RERE: variants seen among roughly 807,000 people sequenced by gnomAD.
RERE encodes arginine-glutamic acid dipeptide repeats protein.
RERE carries 40 observed loss-of-function variants against 146.1 expected under a neutral mutation model. The observed-to-expected ratio is 0.27, with a 90% CI of 0.21 to 0.36. The LOEUF is 0.36. Among genes scored for constraint, RERE ranks in the 10% least tolerant of loss-of-function variants. RERE has a pLI of 1.00. For synonymous variants in RERE, 1,003 were observed against 866.0 expected (o/e 1.16, Z -2.78); for missense variants, 1,933 against 2,138.7 (o/e 0.90, Z 1.90).
At chr1:8,672,564 C>T (rs1043335672) in intron 1 of RERE, among the ~76,000 whole-genome samples, 9 of 152,202 alleles carry the variant, frequency 5.9e-5, no homozygotes, top group Non-Finnish European at 1.0e-4. Context: ...CAGTATTATT[C>T]CATCACTTTC....
chr1:8,358,112 C>A, intron 20 of RERE, 84 bp downstream of exon 20: 1 of 1,515,082 alleles, frequency 6.6e-7, no homozygotes, highest in Admixed American at 2.1e-5. Flanking sequence ...AGAACAGTTT[C>A]CGCTCCTGGA....
chr1:8,361,196 T>G lies in RERE; in HGVS notation c.2311A>C (p.Thr771Pro). The change falls in exon 18 of 23, where the codon ACT becomes CCT. Residue 771 changes from threonine to proline, a missense_variant. Physicochemically the swap from Thr to Pro is conservative, Grantham distance 38. Around this residue, in one of 11 missense-constraint regions of RERE, gnomAD observed 1,255 missense variants for 1,153.8 expected, o/e 1.09. Coordinates refer to ENST00000400908, the MANE Select transcript of RERE (RefSeq NM_001042681.2). ...LPTPGPTPSA[T>P]AVPPQGSPTA... ...GGGGAGCCCTGTGGGGGAACTGCAG[T>G]GGCAGAGGGCGTGGGCCCTGGCGTG... 4 of 1,483,688 alleles carry G rather than the reference T, an allele frequency of 2.7e-6. No individual in the cohort carries two copies. The highest frequency in any genetic ancestry group is 3.6e-6 in the Non-Finnish European group (4 of 1,123,642). The allele number at this position is 1,483,688 out of a possible 1,614,324, so 91.9% of individuals were successfully genotyped here. A position where few individuals can be genotyped will look rare whatever the true frequency, so the allele number is the denominator to read the frequency against.
In RERE at chr1:8,358,731, G is replaced by C. The variant is rs774713625; in HGVS notation, c.3804C>G (p.Thr1268=). 1 of 1,607,450 alleles carries C rather than the reference G, an allele frequency of 6.2e-7. No homozygotes were observed. Among genetic ancestry groups the C allele is most frequent in the East Asian group, 2.2e-5 (1 of 44,788 alleles). The change falls in exon 20 of 23, where the codon ACC becomes ACG. Residue 1268 remains threonine (T), a synonymous_variant. Transcript: ENST00000400908. ...EYARPHVMSP[T]NRNHPFYMPL... is the part of the protein sequence containing the mutation. ...GCATGTAGAAGGGGTGGTTGCGGTTGGTGGGCGACATGACGTGGGGCCGGG... is the reference window on the plus strand; with the variant it reads ...GCATGTAGAAGGGGTGGTTGCGGTTCGTGGGCGACATGACGTGGGGCCGGG...
chr1:8,656,181 C>A lies in RERE; in HGVS notation c.117G>T (p.Arg39=). 1 of 1,613,806 alleles carries A rather than the reference C, an allele frequency of 6.2e-7. No homozygotes were observed. The highest frequency in any genetic ancestry group is 8.5e-7 in the Non-Finnish European group (1 of 1,179,706). The stretch of plus-strand genomic sequence containing the variant: ...TGGCTCCTCCTTCCAAGGTACAGCT[C>A]CGGCGTGGCCTTGAATTCTCACTCT... ...ARESENSRPR[R]SCTLEGGAKN... Residue 39 remains arginine, a synonymous_variant, in exon 2 of 23, where the codon CGG becomes CGT. Transcript: ENST00000400908.
At chr1:8,436,034 A>G (rs1160741013) in intron 11 of RERE, among the ~76,000 whole-genome samples, 3 of 152,198 alleles carry the variant, frequency 2.0e-5, no homozygotes, top group Admixed American at 6.5e-5. Context: ...AAAATAACCC[A>G]ACACGGCCAG....
chr1:8,662,027 A>T (rs1016857422), intron 1 of RERE, among the ~76,000 whole-genome samples: 3 of 152,220 alleles, frequency 2.0e-5, no homozygotes, highest in Admixed American at 2.0e-4. Context: ...CCTCTCAATC[A>T]TTTCCTGATT....
chr1:8,640,662 G>T (rs546768355), intron 2 of RERE, among the ~76,000 whole-genome samples: 1 of 152,198 alleles, frequency 6.6e-6, no homozygotes, highest in African/African-American at 2.4e-5. Context: ...AAAGGTACTG[G>T]ATATTTAATG....
At chr1:8,469,606 G>C (rs1476646865) in intron 10 of RERE, among the ~76,000 whole-genome samples, 1 of 152,110 alleles carries the variant, frequency 6.6e-6, no homozygotes, top group Non-Finnish European at 1.5e-5. Flanking sequence ...CTGAGAGACA[G>C]AGTGAGACCC....
At chr1:8,584,662 T>C (rs1646405594) in intron 4 of RERE, among the ~76,000 whole-genome samples, 1 of 152,094 alleles carries the variant, frequency 6.6e-6, no homozygotes, top group African/African-American at 2.4e-5. Flanking sequence ...GAACTAAGAC[T>C]AAATGAGGGT....
chr1:8,487,326 T>C (rs1342262448), intron 10 of RERE, among the ~76,000 whole-genome samples: 1 of 152,082 alleles, frequency 6.6e-6, no homozygotes, highest in Non-Finnish European at 1.5e-5. Flanking sequence ...CTTACACCTA[T>C]AATCTCAGCA....
rs1641720369 is a variant in RERE at position 8,364,494 on chromosome 1, C to T, written c.1541-239G>A. Among the ~76,000 whole-genome samples the T allele has an allele frequency of 6.6e-6, 1 of 152,138 alleles. No individual in the cohort carries two copies. The stretch of plus-strand genomic sequence containing the variant: ...GCCCAGGAAAAGCTGGCAGCAAGCT[C>T]CTGGGAACTACAGTGTCAACCCCCC... On this transcript the variant is annotated intron_variant, in intron 14 of 22. Transcript: ENST00000400908. The surrounding 1 kb of genome is among the most constrained non-coding windows in gnomAD (Gnocchi z 5.1).
chr1:8,623,241 G>C (rs1646937308), intron 3 of RERE, among the ~76,000 whole-genome samples: 1 of 152,188 alleles, frequency 6.6e-6, no homozygotes, highest in Non-Finnish European at 1.5e-5. Context: ...GAGGTCAGAA[G>C]TTGGAGACCA....
At chr1:8,767,590 G>A (rs1351527916) in intron 1 of RERE, among the ~76,000 whole-genome samples, 1 of 145,470 alleles carries the variant, frequency 6.9e-6, no homozygotes, top group East Asian at 2.0e-4. Flanking sequence ...GGGCTGCAGA[G>A]TGAGGCCTTG....
At position 8,360,549 on chromosome 1, in the gene RERE, TGGGGGGTGAGCCGAC is replaced by T; in HGVS notation, c.2943_2957del (p.Ser982_Pro986del). On this transcript the variant is annotated inframe_deletion, in exon 18 of 23. Transcript: ENST00000400908. ...GGCTCTGAGGCATGAGTTGCAGGGGTGGGGGGTGAGCCGACGGGGGGTGATGTGTGGACAGGGAGC... is the reference window on the plus strand; with the variant it reads ...GGCTCTGAGGCATGAGTTGCAGGGGTGGGGGGTGATGTGTGGACAGGGAGC... The T allele has an allele frequency of 8.3e-6, 4 of 482,214 alleles. No individual in the cohort carries two copies. Among genetic ancestry groups the T allele is most frequent in the Non-Finnish European group, 1.0e-5 (4 of 383,052 alleles). 29.9% of individuals were successfully genotyped at this position (482,214 alleles called of 1,614,324 possible).
At chr1:8,389,732 T>C (rs1407564581) in intron 12 of RERE, among the ~76,000 whole-genome samples, 7 of 152,214 alleles carry the variant, frequency 4.6e-5, no homozygotes, top group Non-Finnish European at 1.5e-5. Flanking sequence ...ACCACTTCCC[T>C]CTATAAATGA....
At chr1:8,462,191 G>C (rs1358651936) in intron 11 of RERE, among the ~76,000 whole-genome samples, 1 of 152,152 alleles carries the variant, frequency 6.6e-6, no homozygotes, top group African/African-American at 2.4e-5. Context: ...CTCAATTATA[G>C]TGAAGAACTT....
intron 1 of RERE, among the ~76,000 whole-genome samples, chr1:8,714,826 A>G (rs1639731117): frequency 6.6e-6 from 1 of 152,182 alleles, no homozygotes; most frequent in South Asian, 2.1e-4. Context: ...AAAGAGAGAC[A>G]ATTATTAATT....
intron 6 of RERE, among the ~76,000 whole-genome samples, chr1:8,550,145 C>T (rs564976981): frequency 6.6e-6 from 1 of 152,236 alleles, no homozygotes; most frequent in Admixed American, 6.5e-5. Flanking sequence ...ATATATTGAA[C>T]CTGAGTACTT....
At chr1:8,382,629 T>C (rs1023661976) in intron 12 of RERE, among the ~76,000 whole-genome samples, 5 of 152,238 alleles carry the variant, frequency 3.3e-5, no homozygotes, top group Non-Finnish European at 7.3e-5. Context: ...AAGACGTTAC[T>C]ACGTTACACA....
Sources: gnomAD v4.1 joint callset for allele counts (sites outside exome capture counted in the v4.1 genomes callset) on GRCh38, gnomAD v4.1.1 for gene constraint, gnomAD v4.1.1 regional missense constraint, Gnocchi (gnomAD v3.1) non-coding constraint, MANE v1.5 for transcripts, NCBI Gene and HGNC (gene_info 2026-07-23, HGNC 2026-07-21) for gene names.